Variants in TEX14 observed in about 807,000 individuals in gnomAD.
The protein encoded by TEX14 is testis expressed 14, intercellular bridge forming factor.
In TEX14, 168 loss-of-function variants were observed where a neutral mutation model predicts 178.6. The observed-to-expected ratio is 0.94, with a 90% CI of 0.83 to 1.07. The LOEUF (loss-of-function observed/expected upper bound fraction) is 1.07. Ranked by LOEUF, TEX14 falls within the 50% of genes least tolerant of loss-of-function variation. TEX14 has a pLI of 0.00. For missense variants in TEX14, 1,730 were observed against 1,753.6 expected, an observed-to-expected ratio of 0.99 and a Z score of 0.24; for synonymous variants, 626 against 634.1, an observed-to-expected ratio of 0.99 and a Z score of 0.19.
chr17:58,586,488 C>T (rs548810428), intron 17 of TEX14, among the ~76,000 whole-genome samples: 2 of 152,280 alleles, frequency 1.3e-5, no homozygotes, highest in South Asian at 4.1e-4. Flanking sequence ...GGAATGCATA[C>T]ATATATGCAT....
intron 3 of TEX14, among the ~76,000 whole-genome samples, chr17:58,629,443 G>C (rs2046227852): frequency 7.2e-6 from 1 of 139,446 alleles, no homozygotes; most frequent in South Asian, 2.2e-4. Context: ...GACAGAGGCA[G>C]ACCATGTGTC....
intron 3 of TEX14, among the ~76,000 whole-genome samples, chr17:58,628,069 G>A (rs1008302891): frequency 3.3e-5 from 5 of 151,788 alleles, no homozygotes; most frequent in Non-Finnish European, 5.9e-5. Flanking sequence ...CTTTCTCTCC[G>A]GGCTTTGAAA....
chr17:58,557,818 C>A lies in TEX14; in HGVS notation c.4300G>T (p.Gly1434Cys), dbSNP rs375785139. 6.2e-7 allele frequency: 1 copy of A among 1,612,354 alleles called. No homozygotes were observed. Among genetic ancestry groups the A allele is most frequent in the Non-Finnish European group, 8.5e-7 (1 of 1,179,050 alleles). ...ELKSCFWKRL[G>C]WSESSRIIVL... is the part of the protein sequence containing the mutation. ...CATTACCTGGATGATTCGGACCAAC[C>A]TAGTCGCTTCCAAAAACAGGATTTT... Residue 1434 changes from glycine to cysteine, a missense_variant, in exon 31 of 32, where the codon GGT becomes TGT. By Grantham distance (159) the Gly-to-Cys change is radical (BLOSUM62 -3). Coordinates refer to ENST00000349033, the MANE Select transcript of TEX14 (RefSeq NM_031272.5).
chr17:58,588,540 C>T (rs998130233), intron 15 of TEX14, among the ~76,000 whole-genome samples: 4 of 151,896 alleles, frequency 2.6e-5, no homozygotes, highest in Non-Finnish European at 5.9e-5. Flanking sequence ...CCACCTCGGC[C>T]TCCCAAAGTG....
At chr17:58,672,399 A>C (rs891180823) in intron 1 of TEX14, among the ~76,000 whole-genome samples, 3 of 152,082 alleles carry the variant, frequency 2.0e-5, no homozygotes, top group Non-Finnish European at 4.4e-5. Flanking sequence ...AAATACTCCA[A>C]ATTTATGCAA....
chr17:58,683,052 CAAAAAA>C (rs1194798521), intron 1 of TEX14, among the ~76,000 whole-genome samples: 183 of 54,036 alleles, frequency 3.4e-3, no homozygotes, highest in African/African-American at 0.01. Flanking sequence ...GAGTCTGTCT[CAAAAAA>C]AAAAAAAAAA....
intron 19 of TEX14, among the ~76,000 whole-genome samples, chr17:58,582,331 C>G (rs997908942): frequency 1.3e-5 from 2 of 152,184 alleles, no homozygotes; most frequent in African/African-American, 4.8e-5. Context: ...GCGATCTTGG[C>G]TCACTGCAAC....
Position 58,613,524 on chromosome 17 carries a change from A to T in TEX14, c.902T>A (p.Leu301Ter). 3.1e-6 allele frequency: 5 copies of T among 1,614,182 alleles called. No homozygotes were observed. The highest frequency in any genetic ancestry group is 4.2e-6 in the Non-Finnish European group (5 of 1,180,016). The change falls in exon 9 of 32, where the codon TTG (leucine) becomes TAG (stop). Residue 301 changes from leucine (L) to a stop codon, truncating the protein, a stop_gained. Transcript: ENST00000349033. LOFTEE classifies it high-confidence loss of function. Reference sequence around the variant, plus strand: ...GAGACACACAGCCATCAACTGTAGCAAGTAGGGGTGCCGCAGCTTGCTGCA... The same window carrying T: ...GAGACACACAGCCATCAACTGTAGCTAGTAGGGGTGCCGCAGCTTGCTGCA... The part of the protein sequence containing the change: ...EHSSKLRHPY[L>*]LQLMAVCLSQ...
chr17:58,646,730 T>C (rs776618095), intron 2 of TEX14, among the ~76,000 whole-genome samples: 67 of 152,296 alleles, frequency 4.4e-4, no homozygotes, highest in Admixed American at 5.9e-4. Flanking sequence ...CAGATGAATC[T>C]TGTGTGCTGA....
chr17:58,605,038 CCTT>C lies in TEX14; in HGVS notation c.1273_1275del (p.Lys425del). The C allele has an allele frequency of 6.2e-7, 1 of 1,614,198 alleles. No individual in the cohort carries two copies. Among genetic ancestry groups the C allele is most frequent in the Non-Finnish European group, 8.5e-7 (1 of 1,180,040 alleles). The stretch of plus-strand genomic sequence containing the variant: ...TAGATGTCTGATTTCACTGTGGCTG[CCTT>C]CTGTAAGATCACTTCTGGTGCGGCC... On this transcript the variant is annotated inframe_deletion, in exon 11 of 32. Transcript: ENST00000349033.
At chr17:58,595,831 T>C (rs1302363486) in intron 14 of TEX14, among the ~76,000 whole-genome samples, 1 of 152,224 alleles carries the variant, frequency 6.6e-6, no homozygotes, top group Non-Finnish European at 1.5e-5. Flanking sequence ...TTTTAAGCCA[T>C]TAGGTTTTGG....
rs1454372652 is a variant in TEX14 at position 58,621,770 on chromosome 17, T to C, written c.434A>G (p.Gln145Arg). 4 of 1,613,616 alleles carry C rather than the reference T, an allele frequency of 2.5e-6. No homozygotes were observed. The highest frequency in any genetic ancestry group is 2.5e-6 in the Non-Finnish European group (3 of 1,179,796). The change falls in exon 5 of 32, where the codon CAG (glutamine) becomes CGG (arginine). Residue 145 changes from glutamine to arginine, a missense_variant. Gln to Arg is a conservative substitution (Grantham distance 43, BLOSUM62 1). This residue lies in a region of TEX14 where 789 missense variants were observed against 681.2 expected (regional missense o/e 1.16). Coordinates refer to ENST00000349033, the MANE Select transcript of TEX14 (RefSeq NM_031272.5). Reference sequence around the variant, plus strand: ...GGCCTGCATGTGTGAGGCACAGCGCTGCATGAACTCCACTATCTGCAAAAC... The same window carrying C: ...GGCCTGCATGTGTGAGGCACAGCGCCGCATGAACTCCACTATCTGCAAAAC... ...ERSTQIVEFM[Q>R]RCASHMQAII...
intron 1 of TEX14, among the ~76,000 whole-genome samples, chr17:58,683,538 G>A (rs919459611): frequency 1.9e-4 from 29 of 151,874 alleles, no homozygotes; most frequent in Non-Finnish European, 3.7e-4. Flanking sequence ...TGAGGCAGGC[G>A]GATAACCTGA....
chr17:58,564,604 T>C (rs1028972172), intron 28 of TEX14, among the ~76,000 whole-genome samples: 3 of 152,222 alleles, frequency 2.0e-5, no homozygotes, highest in African/African-American at 7.2e-5. Context: ...ACAATGTGAA[T>C]ATACTTATTA....
At chr17:58,631,514 G>A (rs1001895657) in intron 2 of TEX14, 5 of 151,486 alleles carry the variant, frequency 3.3e-5, no homozygotes, top group African/African-American at 9.7e-5. Context: ...ACAATCCTAA[G>A]TTAAAATATA....
chr17:58,679,299 C>T (rs1165724107), intron 1 of TEX14, among the ~76,000 whole-genome samples: 1 of 152,156 alleles, frequency 6.6e-6, no homozygotes, highest in Non-Finnish European at 1.5e-5. Context: ...TCCCTTAGAG[C>T]CGCCAAAGGT....
chr17:58,589,042 G>A (rs1051409715), intron 15 of TEX14, among the ~76,000 whole-genome samples: 1 of 152,182 alleles, frequency 6.6e-6, no homozygotes, highest in Non-Finnish European at 1.5e-5. Flanking sequence ...GGGAGGCCAG[G>A]GCAGGCGGAG....
chr17:58,574,130 C>G (rs933800616), intron 22 of TEX14, 57 bp downstream of exon 22: 1 of 1,338,692 alleles, frequency 7.5e-7, no homozygotes, highest in Non-Finnish European at 1.1e-6. Context: ...ATATACTATT[C>G]CCTTAAAACC....
intron 8 of TEX14, among the ~76,000 whole-genome samples, chr17:58,614,358 C>T (rs1567736382): frequency 6.6e-6 from 1 of 152,104 alleles, no homozygotes; most frequent in Non-Finnish European, 1.5e-5. Context: ...GGTGTAGTGG[C>T]GCACGCCAGT....
Sources: allele counts gnomAD v4.1 joint callset (sites outside exome capture counted in the v4.1 genomes callset), GRCh38; gene constraint gnomAD v4.1.1; regional missense constraint gnomAD v4.1.1; transcripts MANE v1.5; gene names NCBI Gene and HGNC (gene_info 2026-07-23, HGNC 2026-07-21).